GATAD2A: variants seen among roughly 807,000 people sequenced by gnomAD.
The protein encoded by GATAD2A is transcriptional repressor p66-alpha.
In GATAD2A, 12 loss-of-function variants were observed where a neutral mutation model predicts 68.5. The observed-to-expected ratio is 0.18, with a 90% confidence interval of 0.11 to 0.28. The LOEUF (loss-of-function observed/expected upper bound fraction) is 0.28. Among genes scored for constraint, GATAD2A ranks in the 10% least tolerant of loss-of-function variants. The pLI is 1.00. For missense variants in GATAD2A, 755 were observed against 868.5 expected (o/e 0.87, Z 1.64); for synonymous variants, 410 against 375.3 (o/e 1.09, Z -1.07).
At chr19:19,440,741 A>C (rs984620517) in intron 1 of GATAD2A, among the ~76,000 whole-genome samples, 1 of 152,196 alleles carries the variant, frequency 6.6e-6, no homozygotes, top group African/African-American at 2.4e-5. Context: ...TTAAAAACCA[A>C]AGACAAAAAT....
At chr19:19,468,340 A>C (rs2058032748) in intron 2 of GATAD2A, among the ~76,000 whole-genome samples, 1 of 152,242 alleles carries the variant, frequency 6.6e-6, no homozygotes. Flanking sequence ...ACAGTCTTGG[A>C]GATGGGCAAG....
chr19:19,399,063 A>C (rs1183891936), intron 1 of GATAD2A, among the ~76,000 whole-genome samples: 1 of 151,740 alleles, frequency 6.6e-6, no homozygotes, highest in Non-Finnish European at 1.5e-5. Context: ...CGTCTCAAAA[A>C]AAAAGCAAAA....
chr19:19,415,705 C>T (rs2051535752), intron 1 of GATAD2A, among the ~76,000 whole-genome samples: 1 of 148,704 alleles, frequency 6.7e-6, no homozygotes, highest in Non-Finnish European at 1.5e-5. Flanking sequence ...GCAACTTCTG[C>T]TTCCTCGGTT....
chr19:19,456,248 T>G (rs1453461603), intron 1 of GATAD2A, among the ~76,000 whole-genome samples: 2 of 151,674 alleles, frequency 1.3e-5, no homozygotes, highest in East Asian at 3.9e-4. Context: ...AGAGCACCTG[T>G]GAGTACATGA....
At chr19:19,444,507 T>TA (rs993342043) in intron 1 of GATAD2A, among the ~76,000 whole-genome samples, 1 of 152,142 alleles carries the variant, frequency 6.6e-6, no homozygotes, top group Non-Finnish European at 1.5e-5. Context: ...AGTAGAAACT[T>TA]AAGCAGGTAT....
intron 1 of GATAD2A, among the ~76,000 whole-genome samples, chr19:19,389,192 CA>C (rs1218500147): frequency 6.6e-6 from 1 of 151,954 alleles, no homozygotes; most frequent in Admixed American, 6.6e-5. Flanking sequence ...AGAGATGGTC[CA>C]AAGGACAGGA....
chr19:19,421,841 CAG>C lies in GATAD2A; in HGVS notation c.-7+15825_-7+15826del, dbSNP rs1347865196. Among the ~76,000 whole-genome samples the C allele has an allele frequency of 5.3e-5, 8 of 151,006 alleles. 1 individual carries two copies. Among genetic ancestry groups the C allele is most frequent in the Admixed American group, 4.6e-4 (7 of 15,156 alleles). ...TTTTTTTTTTTCTTCTTTTTTGAGA[CAG>C]AGTCTCACTCTGTTGCCCAGGCTGG... On this transcript the variant is annotated intron_variant, in intron 1 of 11. Coordinates refer to ENST00000683918, the MANE Select transcript of GATAD2A (RefSeq NM_001384528.1).
At chr19:19,387,295 G>A (rs1474562560) in intron 1 of GATAD2A, among the ~76,000 whole-genome samples, 1 of 149,444 alleles carries the variant, frequency 6.7e-6, no homozygotes, top group Admixed American at 6.7e-5. Context: ...TCTCTCAGCT[G>A]TGGTCCTACT....
At position 19,508,594 on chromosome 19, in the gene GATAD2A, C is replaced by T. The variant is rs1044142021; in HGVS notation, c.*3120C>T. 6.6e-6 allele frequency: 1 copy of T among 152,178 alleles called. No individual in the cohort carries two copies. Among genetic ancestry groups the T allele is most frequent in the Non-Finnish European group, 1.5e-5 (1 of 68,040 alleles). The allele number at this position is 152,178 out of a possible 1,614,324, so 9.4% of individuals were successfully genotyped here. On this transcript the variant is annotated 3_prime_UTR_variant, in exon 12 of 12. Transcript: ENST00000683918. ...GAAGGGATGATCCTTGCTGCTCTGC[C>T]GTAGGGTTTTTGATGCTGAGCTATG...
At chr19:19,490,867 A>C (rs985310029) in intron 2 of GATAD2A, among the ~76,000 whole-genome samples, 13 of 152,348 alleles carry the variant, frequency 8.5e-5, no homozygotes, top group African/African-American at 3.1e-4. Flanking sequence ...CCTGGGCGAC[A>C]GAGCAAGACT....
Position 19,417,618 on chromosome 19 carries a change from ATG to A in GATAD2A, c.-7+11601_-7+11602del, listed in dbSNP as rs373452790. On this transcript the variant is annotated intron_variant, in intron 1 of 11. Transcript: ENST00000683918. Reference sequence around the variant, plus strand: ...GCACAGGTTGCTGTGGTTATTGTTGATGTCCTGAAACAGGAGACTGTTCATAC... The same window carrying A: ...GCACAGGTTGCTGTGGTTATTGTTGATCCTGAAACAGGAGACTGTTCATAC... Among the ~76,000 whole-genome samples the A allele has an allele frequency of 2.6e-4, 39 of 152,236 alleles. No individual in the cohort carries two copies. The South Asian group carries it at 8.1e-3, about 32-fold the overall frequency.
At chr19:19,481,362 G>T (rs1326800037) in intron 2 of GATAD2A, among the ~76,000 whole-genome samples, 1 of 152,182 alleles carries the variant, frequency 6.6e-6, no homozygotes, top group Non-Finnish European at 1.5e-5. Flanking sequence ...ACAGGGTCTT[G>T]CTCTGTCTCC....
rs369803996 is a variant in GATAD2A at position 19,495,766 on chromosome 19, C to A, written c.637C>A (p.Arg213=). Residue 213 remains arginine, a synonymous_variant, in exon 6 of 12, where the codon CGG becomes AGG. Transcript: ENST00000683918. ...GKPSLQTSSA[R]MPGSVIPPPL... The stretch of plus-strand genomic sequence containing the variant: ...GTATCGTTGGCAGACCTCTTCAGCT[C>A]GGATGCCCGGCAGTGTCATACCCCC... 1.2e-6 allele frequency: 2 copies of A among 1,610,994 alleles called. No individual in the cohort carries two copies. The highest frequency in any genetic ancestry group is 1.7e-6 in the Non-Finnish European group (2 of 1,177,818).
intron 2 of GATAD2A, among the ~76,000 whole-genome samples, chr19:19,491,150 G>A (rs1192076102): frequency 6.6e-6 from 1 of 152,180 alleles, no homozygotes; most frequent in Non-Finnish European, 1.5e-5. Flanking sequence ...TTGAGCACTT[G>A]TCTCGGAGCC....
In GATAD2A at chr19:19,464,461, G is replaced by A. The variant is rs536061580; in HGVS notation, c.-6-879G>A. On this transcript the variant is annotated intron_variant, in intron 1 of 11. Transcript: ENST00000683918. ...CAGACCCTGCTGTGGAATGCCAGCC[G>A]CCTCCCTGCAGACAGACATCGCTGT... Among the ~76,000 whole-genome samples the A allele has an allele frequency of 5.3e-5, 8 of 152,264 alleles. No individual in the cohort carries two copies. The South Asian group carries it at 1.0e-3, about 20-fold the overall frequency.
At chr19:19,405,038 C>T (rs958733652), upstream of GATAD2A, among the ~76,000 whole-genome samples, 2 of 152,116 alleles carry the variant, frequency 1.3e-5, no homozygotes, top group African/African-American at 4.8e-5. Context: ...CTCCTTGTTA[C>T]TGGAGAGGGA....
At position 19,410,000 on chromosome 19, in the gene GATAD2A, G is replaced by A. The variant is rs565693469; in HGVS notation, c.-7+3981G>A. Among the ~76,000 whole-genome samples, 4 of 152,270 alleles carry A rather than the reference G, an allele frequency of 2.6e-5. No homozygotes were observed. The East Asian group carries it at 5.8e-4, about 22-fold the overall frequency. On this transcript the variant is annotated intron_variant, in intron 1 of 11. Transcript: ENST00000683918. ...CCTCAGGAAGTGATTGGGAATCCAC[G>A]AAACCCTCTAGGTGTGGGAGAGAGG... is the stretch of plus-strand genomic sequence containing the variant.
chr19:19,402,834 C>T (rs1300491941), upstream of GATAD2A, among the ~76,000 whole-genome samples: 2 of 139,730 alleles, frequency 1.4e-5, no homozygotes, highest in African/African-American at 2.7e-5. Flanking sequence ...AGCGTAATAG[C>T]GCGATCTTGG....
At chr19:19,471,460 C>A (rs909885284) in intron 2 of GATAD2A, among the ~76,000 whole-genome samples, 1 of 142,484 alleles carries the variant, frequency 7.0e-6, no homozygotes, top group Non-Finnish European at 1.5e-5. Context: ...CATGTCCCCC[C>A]AAAAAGCAAA....
Sources: gnomAD v4.1 joint callset for allele counts (sites outside exome capture counted in the v4.1 genomes callset) on GRCh38, gnomAD v4.1.1 for gene constraint, MANE v1.5 for transcripts, NCBI Gene and HGNC (gene_info 2026-07-23, HGNC 2026-07-21) for gene names.